NPL: variants seen among roughly 807,000 people sequenced by gnomAD.
NPL encodes N-acetylneuraminate pyruvate lyase, also known as N-acetylneuraminate lyase.
NPL carries 32 observed loss-of-function variants against 41.1 expected under a neutral mutation model. That is an observed-to-expected ratio of 0.78 (90% CI 0.59 to 1.05). The LOEUF (loss-of-function observed/expected upper bound fraction) is 1.05, where lower values mean the gene tolerates loss of function less well. Among genes scored for constraint, NPL ranks in the 50% least tolerant of loss-of-function variants. The pLI is 0.00. For missense variants in NPL, 321 were observed against 378.4 expected, an observed-to-expected ratio of 0.85 and a Z score of 1.26; for synonymous variants, 128 against 134.9, an observed-to-expected ratio of 0.95 and a Z score of 0.35.
intron 5 of NPL, chr1:182,809,099 A>T (rs1241316084): frequency 6.9e-6 from 2 of 291,940 alleles, no homozygotes; most frequent in African/African-American, 2.2e-5. Flanking sequence ...TCAGAAATTC[A>T]TTCAACTTAC....
chr1:182,825,701 T>C (rs1667612667), intron 11 of NPL, 80 bp from the exon 12 acceptor site: 2 of 993,068 alleles, frequency 2.0e-6, no homozygotes, highest in Admixed American at 1.7e-5. Context: ...TTTTAGGGTT[T>C]CTGTAATTTG....
In NPL at chr1:182,829,144, T is replaced by A; in HGVS notation, c.*236T>A. 4 of 1,372,424 alleles carry A rather than the reference T, an allele frequency of 2.9e-6. No homozygotes were observed. The highest frequency in any genetic ancestry group is 3.8e-6 in the Non-Finnish European group (4 of 1,066,416). 85.0% of individuals were successfully genotyped at this position (1,372,424 alleles called of 1,614,324 possible). ...TTCACAGATTTTTTTGTGGAGAAAT[T>A]TCTGTTTATATGGATGAAATGGAAT... On this transcript the variant is annotated 3_prime_UTR_variant, in exon 13 of 13. Transcript: ENST00000367553.
chr1:182,790,108 G>A (rs1417903646), intron 1 of NPL, among the ~76,000 whole-genome samples: 1 of 152,214 alleles, frequency 6.6e-6, no homozygotes, highest in African/African-American at 2.4e-5. Context: ...GCAGAAGAGA[G>A]CTTAAAGTTA....
rs1270752470 is a variant in NPL at position 182,829,045 on chromosome 1, CT to C, written c.*141del. Reference sequence around the variant, plus strand: ...AATCTCACAATAAGCATTGAGGTACCTTTTGTGAGCCTTAAAAAGTCTTATT... The same window carrying C: ...AATCTCACAATAAGCATTGAGGTACCTTTGTGAGCCTTAAAAAGTCTTATT... On this transcript the variant is annotated 3_prime_UTR_variant, in exon 13 of 13. Coordinates refer to ENST00000367553, the MANE Select transcript of NPL (RefSeq NM_030769.3). The C allele has an allele frequency of 2.7e-6, 4 of 1,505,816 alleles. No homozygotes were observed. Among genetic ancestry groups the C allele is most frequent in the Non-Finnish European group, 3.5e-6 (4 of 1,135,762 alleles). The allele number at this position is 1,505,816 out of a possible 1,614,324, so 93.3% of individuals were successfully genotyped here.
Position 182,814,802 on chromosome 1 carries a change from T to C in NPL, c.308T>C (p.Ile103Thr). 6.2e-7 allele frequency: 1 copy of C among 1,614,066 alleles called. No individual in the cohort carries two copies. The highest frequency in any genetic ancestry group is 8.5e-7 in the Non-Finnish European group (1 of 1,179,964). Residue 103 changes from isoleucine (I) to threonine (T), a missense_variant, in exon 7 of 13, where the codon ATA (isoleucine) becomes ACA (threonine). Physicochemically the swap from Ile to Thr is moderately conservative, Grantham distance 89. Transcript: ENST00000367553. ...TTAAAGGCCCAACATGCAGCAGAAA[T>C]AGGAGCTGATGGCATCGCTGTCATT... ...SQELAQHAAEIGADGIAVIAP... is the reference protein window; with the variant it reads ...SQELAQHAAETGADGIAVIAP...
At chr1:182,798,266 G>A (rs544755593) in intron 3 of NPL, among the ~76,000 whole-genome samples, 55 of 135,800 alleles carry the variant, frequency 4.1e-4, no homozygotes, top group African/African-American at 1.4e-3. Context: ...ACAAAGTCTC[G>A]CAGCAGGCGG....
intron 10 of NPL, among the ~76,000 whole-genome samples, chr1:182,821,524 C>A (rs1667486333): frequency 6.6e-6 from 1 of 152,222 alleles, no homozygotes; most frequent in South Asian, 2.1e-4. Flanking sequence ...AAAAACCAGG[C>A]CTACCTTGCA....
intron 11 of NPL, among the ~76,000 whole-genome samples, chr1:182,824,675 T>TAGTC (rs1304504226): frequency 6.6e-6 from 1 of 152,048 alleles, no homozygotes; most frequent in Non-Finnish European, 1.5e-5. Context: ...CGGGCGCCTG[T>TAGTC]AGTCCCAGCT....
At chr1:182,822,333 T>C in intron 11 of NPL, 134 bp downstream of exon 11, 2 of 714,062 alleles carry the variant, frequency 2.8e-6, no homozygotes, top group South Asian at 3.1e-5. Context: ...TCTTCTGTTT[T>C]GTACTTTTTC....
At chr1:182,799,001 A>G (rs796773295) in intron 3 of NPL, among the ~76,000 whole-genome samples, 46 of 152,364 alleles carry the variant, frequency 3.0e-4, no homozygotes, top group African/African-American at 1.1e-3. Flanking sequence ...ATGCCACATC[A>G]TGTCAGGTAT....
intron 11 of NPL, 33 bp downstream of exon 11, chr1:182,822,232 G>A: frequency 7.0e-7 from 1 of 1,426,954 alleles, no homozygotes; most frequent in South Asian, 1.1e-5. Context: ...ATAAATCACA[G>A]CCTTTTTTCT....
At chr1:182,817,362 G>A (rs990177565) in intron 8 of NPL, among the ~76,000 whole-genome samples, 2 of 152,148 alleles carry the variant, frequency 1.3e-5, no homozygotes, top group Non-Finnish European at 2.9e-5. Flanking sequence ...GGAAAAAAAC[G>A]AAACAAAACT....
chr1:182,808,031 G>A (rs1260175008), intron 5 of NPL, among the ~76,000 whole-genome samples: 3 of 152,124 alleles, frequency 2.0e-5, no homozygotes, highest in African/African-American at 7.2e-5. Context: ...TTCAGAGACT[G>A]TCAGTGTAGC....
At position 182,816,717 on chromosome 1, in the gene NPL, T is replaced by C. The variant is rs1300297910; in HGVS notation, c.368T>C (p.Ile123Thr). The change falls in exon 8 of 13, where the codon ATC (isoleucine) becomes ACC (threonine). Residue 123 changes from isoleucine (I) to threonine (T), a missense_variant. By Grantham distance (89) the Ile-to-Thr change is moderately conservative. Transcript: ENST00000367553. ...ACTGTTCCTACTGTTCTTTCAGATA[T>C]CCTGATTAATTTCCTAAAGGAAGTG... The part of the protein sequence containing the change: ...PFFLKPWTKD[I>T]LINFLKEVAA... The C allele has an allele frequency of 1.2e-5, 19 of 1,611,402 alleles. No homozygotes were observed. The highest frequency in any genetic ancestry group is 1.5e-5 in the Non-Finnish European group (18 of 1,177,924).
intron 5 of NPL, among the ~76,000 whole-genome samples, chr1:182,810,186 A>C (rs368728139): frequency 6.6e-6 from 1 of 152,186 alleles, no homozygotes; most frequent in African/African-American, 2.4e-5. Flanking sequence ...TTCACTGGGA[A>C]GACTGCATTC....
chr1:182,797,006 C>T (rs1666689192), intron 3 of NPL, among the ~76,000 whole-genome samples: 1 of 147,618 alleles, frequency 6.8e-6, no homozygotes, highest in Non-Finnish European at 1.5e-5. Context: ...CTGCACTCTA[C>T]CCTGGGCAAC....
intron 5 of NPL, among the ~76,000 whole-genome samples, chr1:182,808,159 A>C (rs1010181146): frequency 6.6e-6 from 1 of 152,186 alleles, no homozygotes; most frequent in Non-Finnish European, 1.5e-5. Flanking sequence ...AGTAATAATC[A>C]TATCTCACTT....
intron 1 of NPL, among the ~76,000 whole-genome samples, chr1:182,790,468 A>T (rs764590605): frequency 1.3e-5 from 2 of 152,208 alleles, no homozygotes; most frequent in African/African-American, 2.4e-5. Context: ...AGCTCTGAAA[A>T]CTTCAAAGCA....
chr1:182,800,642 G>A (rs913401540), intron 3 of NPL, among the ~76,000 whole-genome samples: 1 of 151,858 alleles, frequency 6.6e-6, no homozygotes, highest in Non-Finnish European at 1.5e-5. Context: ...AAATGCCTGA[G>A]GGACCTGGGG....
Sources: gnomAD v4.1 joint callset for allele counts (sites outside exome capture counted in the v4.1 genomes callset) on GRCh38, gnomAD v4.1.1 for gene constraint, MANE v1.5 for transcripts, NCBI Gene and HGNC (gene_info 2026-07-23, HGNC 2026-07-21) for gene names.